TMEFF2: variants seen among roughly 807,000 people sequenced by gnomAD.
The protein encoded by TMEFF2 is transmembrane protein with EGF like and two follistatin like domains 2.
In TMEFF2, 28 loss-of-function variants were observed where a neutral mutation model predicts 53.8. The observed-to-expected ratio is 0.52, with a 90% CI of 0.39 to 0.71. The LOEUF is 0.71. Among genes scored for constraint, TMEFF2 ranks in the 30% least tolerant of loss-of-function variants. The probability of loss-of-function intolerance (pLI) is 0.00; values close to 1 mark genes in which losing one functional copy is unlikely to be tolerated. For synonymous variants in TMEFF2, 162 were observed against 166.3 expected, an observed-to-expected ratio of 0.97 and a Z score of 0.20; for missense variants, 353 against 455.2, an observed-to-expected ratio of 0.78 and a Z score of 2.04.
intron 4 of TMEFF2, among the ~76,000 whole-genome samples, chr2:192,144,440 G>T (rs936202828): frequency 6.6e-6 from 1 of 151,880 alleles, no homozygotes; most frequent in African/African-American, 2.4e-5. Context: ...TAAGTATCAC[G>T]CTCTATTTGT....
chr2:192,134,285 A>C (rs752127619), intron 4 of TMEFF2, among the ~76,000 whole-genome samples: 1 of 152,020 alleles, frequency 6.6e-6, no homozygotes, highest in African/African-American at 2.4e-5. Flanking sequence ...ACATTATTCC[A>C]GATACCACAC....
In TMEFF2 at chr2:192,156,069, A is replaced by T. The variant is rs188519039; in HGVS notation, c.439+23599T>A. On this transcript the variant is annotated intron_variant, in intron 4 of 9. Coordinates refer to ENST00000272771, the MANE Select transcript of TMEFF2 (RefSeq NM_016192.4). ...AACGTCATTGAATCTTGAACTATTC[A>T]CTCAACAAATATATGTTGGGCACTT... Among the ~76,000 whole-genome samples the T allele has an allele frequency of 2.2e-4, 34 of 152,014 alleles. No homozygotes were observed. In the East Asian group the frequency reaches 4.1e-3, roughly 18 times the overall value.
chr2:192,060,778 T>A (rs1688025626), intron 4 of TMEFF2, among the ~76,000 whole-genome samples: 1 of 152,202 alleles, frequency 6.6e-6, no homozygotes, highest in South Asian at 2.1e-4. Context: ...AATTCATTTA[T>A]CTTAAAGTAT....
intron 7 of TMEFF2, among the ~76,000 whole-genome samples, chr2:191,984,899 C>T (rs954890799): frequency 6.6e-6 from 1 of 151,930 alleles, no homozygotes; most frequent in Non-Finnish European, 1.5e-5. Context: ...AAAAAGAGTC[C>T]ATCATCCTTA....
chr2:192,177,858 G>A (rs1402224277), intron 4 of TMEFF2: 1 of 150,978 alleles, frequency 6.6e-6, no homozygotes, highest in African/African-American at 2.4e-5. Context: ...AAACGCAACA[G>A]GGAAGAGTGA....
intron 4 of TMEFF2, among the ~76,000 whole-genome samples, chr2:192,068,929 G>A (rs893708115): frequency 1.1e-4 from 17 of 149,940 alleles, no homozygotes; most frequent in African/African-American, 4.2e-4. Context: ...TGAATTGCCT[G>A]TAATATTTTC....
intron 7 of TMEFF2, among the ~76,000 whole-genome samples, chr2:191,966,757 A>T (rs1200267178): frequency 2.0e-5 from 3 of 152,242 alleles, no homozygotes; most frequent in African/African-American, 7.2e-5. Context: ...TCTCATACTT[A>T]AAAGTATTTT....
intron 4 of TMEFF2, among the ~76,000 whole-genome samples, chr2:192,076,528 G>T (rs999317519): frequency 1.3e-5 from 2 of 152,162 alleles, no homozygotes; most frequent in Non-Finnish European, 2.9e-5. Flanking sequence ...GTAAGTGGCA[G>T]AATGGAGAGA....
At chr2:192,131,996 G>C (rs6735180) in intron 4 of TMEFF2, among the ~76,000 whole-genome samples, 10,270 of 151,646 alleles carry the variant, frequency 0.068, 496 homozygotes, top group African/African-American at 0.13. Flanking sequence ...AGTGCAACTC[G>C]TCCCAAATCT....
At chr2:192,128,005 T>C (rs902413468) in intron 4 of TMEFF2, among the ~76,000 whole-genome samples, 2 of 152,230 alleles carry the variant, frequency 1.3e-5, no homozygotes, top group African/African-American at 4.8e-5. Flanking sequence ...CACACAATTC[T>C]ACTGTGCAAG....
In TMEFF2 at chr2:191,969,166, TAGAG is replaced by T. The variant is rs141807627; in HGVS notation, c.746-12792_746-12789del. Among the ~76,000 whole-genome samples, 207 of 150,350 alleles carry T rather than the reference TAGAG, an allele frequency of 1.4e-3. 1 individual carries two copies. Among genetic ancestry groups the T allele is most frequent in the African/African-American group, 4.7e-3 (194 of 40,916 alleles). ...ATGTGTGTGTGTGTATATATATATATAGAGAGAGAGAGCTAACGTTTAGGACAGA... is the reference window on the plus strand; with the variant it reads ...ATGTGTGTGTGTGTATATATATATATAGAGAGAGCTAACGTTTAGGACAGA... On this transcript the variant is annotated intron_variant, in intron 7 of 9. Coordinates refer to ENST00000272771, the MANE Select transcript of TMEFF2 (RefSeq NM_016192.4).
chr2:191,997,613 T>C (rs2105833919), intron 7 of TMEFF2, among the ~76,000 whole-genome samples: 1 of 151,734 alleles, frequency 6.6e-6, no homozygotes, highest in East Asian at 1.9e-4. Flanking sequence ...ATTTCAGTTG[T>C]ATACCCATGA....
At chr2:192,187,200 C>A (rs903060436) in intron 2 of TMEFF2, among the ~76,000 whole-genome samples, 1 of 151,980 alleles carries the variant, frequency 6.6e-6, no homozygotes, top group Non-Finnish European at 1.5e-5. Context: ...GGTGTAGGAC[C>A]TTTTGTATAT....
At chr2:192,054,170 T>TGG (rs1300747499) in intron 5 of TMEFF2, among the ~76,000 whole-genome samples, 1 of 150,918 alleles carries the variant, frequency 6.6e-6, no homozygotes, top group Non-Finnish European at 1.5e-5. Flanking sequence ...GTCCCTATGC[T>TGG]GGGGGCATAC....
In TMEFF2 at chr2:192,191,932, T is replaced by C. The variant is rs753512988; in HGVS notation, c.230A>G (p.Asp77Gly). 6.2e-7 allele frequency: 1 copy of C among 1,613,720 alleles called. No homozygotes were observed. Among genetic ancestry groups the C allele is most frequent in the Non-Finnish European group, 8.5e-7 (1 of 1,179,714 alleles). The change falls in exon 2 of 10, where the codon GAT (aspartate) becomes GGT (glycine). Residue 77 changes from aspartate to glycine, a missense_variant. Transcript: ENST00000272771. ...GTCTCCAATTCTTAAACATTCCCCA[T>C]CAAATTTACAGGTGTTGGTGTCACA... Reference protein sequence around the residue: ...FLCDTNTCKFDGECLRIGDTV... With the variant: ...FLCDTNTCKFGGECLRIGDTV...
At chr2:192,057,557 TGGGA>T in intron 5 of TMEFF2, 118 bp downstream of exon 5, 4 of 917,882 alleles carry the variant, frequency 4.4e-6, no homozygotes, top group Admixed American at 4.2e-5. Context: ...TTTTTTCACT[TGGGA>T]ACTGAATAAG....
intron 4 of TMEFF2, among the ~76,000 whole-genome samples, chr2:192,098,787 T>C (rs919955616): frequency 1.3e-5 from 2 of 152,206 alleles, no homozygotes; most frequent in Admixed American, 6.5e-5. Flanking sequence ...TAGCCGATCA[T>C]CATAATTCAT....
At chr2:191,961,538 A>G (rs971459567) in intron 7 of TMEFF2, among the ~76,000 whole-genome samples, 4 of 152,164 alleles carry the variant, frequency 2.6e-5, no homozygotes, top group Non-Finnish European at 4.4e-5. Flanking sequence ...CATTTCTCCA[A>G]AGCAAAATGA....
intron 5 of TMEFF2, among the ~76,000 whole-genome samples, chr2:192,002,036 TA>T (rs200168551): frequency 7.8e-6 from 1 of 127,858 alleles, no homozygotes; most frequent in African/African-American, 4.3e-5. Flanking sequence ...ATTTATTTAT[TA>T]TTTTTCAGTT....
Sources: gnomAD v4.1 joint callset for allele counts (sites outside exome capture counted in the v4.1 genomes callset) on GRCh38, gnomAD v4.1.1 for gene constraint, MANE v1.5 for transcripts, NCBI Gene and HGNC (gene_info 2026-07-23, HGNC 2026-07-21) for gene names.